UBP1: variants seen among roughly 807,000 people sequenced by gnomAD.
UBP1 encodes the protein upstream binding protein 1.
In UBP1, 22 loss-of-function variants were observed where a neutral mutation model predicts 76.1. The ratio of observed to expected loss-of-function variants is 0.29; its 90% CI spans 0.21 to 0.41. The LOEUF is 0.41. Ranked by LOEUF, UBP1 falls within the 10% of genes least tolerant of loss-of-function variation. The pLI is 1.00. For missense variants in UBP1, 436 were observed against 668.1 expected (o/e 0.65, Z 3.83); for synonymous variants, 224 against 237.1 (o/e 0.94, Z 0.51).
chr3:33,399,250 C>T (rs1282701494), intron 11 of UBP1, among the ~76,000 whole-genome samples: 2 of 152,156 alleles, frequency 1.3e-5, no homozygotes, highest in Non-Finnish European at 2.9e-5. Context: ...GGAAAAGAGT[C>T]CCAGAGCCAA....
At chr3:33,398,068 T>C (rs984533191) in intron 11 of UBP1, 1 of 152,208 alleles carries the variant, frequency 6.6e-6, no homozygotes, top group African/African-American at 2.4e-5. Context: ...AGGTAGGAGA[T>C]GGCTGCATGG....
chr3:33,407,164 A>G (rs1010622307), intron 8 of UBP1, among the ~76,000 whole-genome samples: 4 of 152,196 alleles, frequency 2.6e-5, no homozygotes, highest in Non-Finnish European at 5.9e-5. Flanking sequence ...AAAGCATCTG[A>G]ACAAAATCAA....
rs371787784 is a variant in UBP1 at position 33,412,703 on chromosome 3, T to G, written c.448+19A>C. The G allele has an allele frequency of 1.2e-5, 19 of 1,524,362 alleles. No homozygotes were observed. In the African/African-American group the frequency reaches 2.2e-4, roughly 18 times the overall value. 94.4% of individuals were successfully genotyped at this position (1,524,362 alleles called of 1,614,324 possible). ...AAACAATACCCTCATCTCCATGGTC[T>G]TTTGATCACTGCCTGTACCTAAATC... On this transcript the variant is annotated intron_variant, in intron 4 of 15. Transcript: ENST00000283629.
chr3:33,402,914 G>C lies in UBP1; in HGVS notation c.928-10C>G. Reference sequence around the variant, plus strand: ...CGGGCCACGGAGAACACTAAGGACAGAAACAGAAATAAATTAGTGATATGC... The same window carrying C: ...CGGGCCACGGAGAACACTAAGGACACAAACAGAAATAAATTAGTGATATGC... On this transcript the variant is annotated splice_polypyrimidine_tract_variant and intron_variant, in intron 8 of 15. Coordinates refer to ENST00000283629, the MANE Select transcript of UBP1 (RefSeq NM_014517.5). 4 of 1,594,256 alleles carry C rather than the reference G, an allele frequency of 2.5e-6. No individual in the cohort carries two copies. The highest frequency in any genetic ancestry group is 1.1e-5 in the South Asian group (1 of 88,458).
At chr3:33,440,433 C>T, upstream of UBP1, 1 of 152,196 alleles carries the variant, frequency 6.6e-6, no homozygotes, top group Non-Finnish European at 1.5e-5. Flanking sequence ...CCCGACCCCG[C>T]CCCGGCGTTC....
chr3:33,395,768 A>AG (rs1559666894), intron 13 of UBP1, among the ~76,000 whole-genome samples: 1 of 150,100 alleles, frequency 6.7e-6, no homozygotes, highest in African/African-American at 2.4e-5. Context: ...AAAAAAAAAA[A>AG]AAAAAGAAAA....
At chr3:33,393,135 A>G in intron 14 of UBP1, 177 bp downstream of exon 14, 2 of 687,392 alleles carry the variant, frequency 2.9e-6, no homozygotes, top group South Asian at 2.8e-5. Flanking sequence ...ATTCCATATT[A>G]TCACTAGGAT....
At position 33,412,676 on chromosome 3, in the gene UBP1, C is replaced by T. The variant is rs764226618; in HGVS notation, c.448+46G>A. On this transcript the variant is annotated intron_variant, in intron 4 of 15. Transcript: ENST00000283629. Reference sequence around the variant, plus strand: ...CAACACAACACATTACTGGCTATAGCTAAACAATACCCTCATCTCCATGGT... The same window carrying T: ...CAACACAACACATTACTGGCTATAGTTAAACAATACCCTCATCTCCATGGT... 3 of 1,256,212 alleles carry T rather than the reference C, an allele frequency of 2.4e-6. No individual in the cohort carries two copies. In the East Asian group the frequency reaches 6.9e-5, roughly 29 times the overall value. 77.8% of individuals were successfully genotyped at this position (1,256,212 alleles called of 1,614,324 possible). A position where few individuals can be genotyped will look rare whatever the true frequency, so the allele number is the denominator to read the frequency against.
At chr3:33,440,676 C>A (rs751900247), upstream of UBP1, 1 of 152,330 alleles carries the variant, frequency 6.6e-6, no homozygotes, top group Non-Finnish European at 1.5e-5. Flanking sequence ...CTGAGCAATA[C>A]CTGCAAGGGC....
At chr3:33,426,434 T>C (rs1489447285) in intron 1 of UBP1, among the ~76,000 whole-genome samples, 2 of 152,186 alleles carry the variant, frequency 1.3e-5, no homozygotes, top group East Asian at 1.9e-4. Flanking sequence ...AACAGCTTTA[T>C]TGAAATATAA....
intron 3 of UBP1, chr3:33,414,111 A>C (rs1286421092): frequency 6.6e-6 from 1 of 152,180 alleles, no homozygotes; most frequent in African/African-American, 2.4e-5. Context: ...TAAAAGGAGG[A>C]CCAAAGTTAG....
At chr3:33,424,076 A>G (rs1263153953) in intron 2 of UBP1, among the ~76,000 whole-genome samples, 1 of 152,200 alleles carries the variant, frequency 6.6e-6, no homozygotes, top group Non-Finnish European at 1.5e-5. Flanking sequence ...AATTCAGGTT[A>G]TTTCCTTTTT....
chr3:33,395,644 G>A (rs574894623), intron 13 of UBP1, among the ~76,000 whole-genome samples: 36 of 145,042 alleles, frequency 2.5e-4, no homozygotes, highest in Middle Eastern at 7.5e-3. Context: ...AATGCTGGCC[G>A]AACACTTGTC....
At chr3:33,412,509 G>A (rs1381531233) in intron 4 of UBP1, among the ~76,000 whole-genome samples, 2 of 151,746 alleles carry the variant, frequency 1.3e-5, no homozygotes, top group East Asian at 3.9e-4. Context: ...CTTGAAGACG[G>A]GAGGTAGAGG....
At chr3:33,428,994 T>C (rs1054748233) in intron 1 of UBP1, among the ~76,000 whole-genome samples, 2 of 151,830 alleles carry the variant, frequency 1.3e-5, no homozygotes, top group Non-Finnish European at 2.9e-5. Flanking sequence ...CCACCCACAC[T>C]CCCAATTTCC....
chr3:33,424,470 G>A (rs55750200), intron 2 of UBP1, among the ~76,000 whole-genome samples: 10,079 of 152,182 alleles, frequency 0.066, 1,110 homozygotes, highest in African/African-American at 0.22. Context: ...CAAGTGAACA[G>A]ATGTATAATT....
chr3:33,435,447 A>C (rs1156931283), intron 1 of UBP1, among the ~76,000 whole-genome samples: 1 of 152,252 alleles, frequency 6.6e-6, no homozygotes, highest in Non-Finnish European at 1.5e-5. Flanking sequence ...CAGCCTGGCC[A>C]ACATAGCAAG....
rs548466557 is a variant in UBP1 at position 33,424,820 on chromosome 3, C to T, written c.265+770G>A. 9.0e-4 allele frequency among the ~76,000 whole-genome samples: 137 copies of T among 152,232 alleles called. 1 individual carries two copies. Among genetic ancestry groups the T allele is most frequent in the African/African-American group, 3.2e-3 (131 of 41,544 alleles). ...CAGCACTTTGGGATGCCGAGGCAGG[C>T]GGATCACTTAAGGTCAGGAGTCTGA... On this transcript the variant is annotated intron_variant, in intron 2 of 15. Coordinates refer to ENST00000283629, the MANE Select transcript of UBP1 (RefSeq NM_014517.5).
At chr3:33,391,964 CA>C (rs1435740286) in intron 15 of UBP1, 1 of 153,052 alleles carries the variant, frequency 6.5e-6, no homozygotes, top group Non-Finnish European at 1.5e-5. Context: ...ATGGCACCTA[CA>C]TGGCCCACTG....
Sources: allele counts gnomAD v4.1 joint callset (sites outside exome capture counted in the v4.1 genomes callset), GRCh38; gene constraint gnomAD v4.1.1; transcripts MANE v1.5; gene names NCBI Gene and HGNC (gene_info 2026-07-23, HGNC 2026-07-21).